The following ROBO2 variants were observed in gnomAD, a reference collection of about 807,000 sequenced individuals.
The protein encoded by ROBO2 is roundabout homolog 2.
A neutral mutation model predicts 160.8 loss-of-function variants in ROBO2; 53 were observed. That is an observed-to-expected ratio of 0.33 (90% confidence interval 0.26 to 0.41). The LOEUF (loss-of-function observed/expected upper bound fraction) is 0.41, where lower values mean the gene tolerates loss of function less well. ROBO2 is among the 10% of genes least tolerant of loss of function. The probability of loss-of-function intolerance (pLI) is 1.00; values close to 1 mark genes in which losing one functional copy is unlikely to be tolerated. For missense variants in ROBO2, 1,577 were observed against 1,722.4 expected (o/e 0.92, Z 1.49); for synonymous variants, 664 against 611.7 (o/e 1.09, Z -1.26).
intron 2 of ROBO2, among the ~76,000 whole-genome samples, chr3:76,428,643 A>G (rs934699754): frequency 2.0e-5 from 3 of 152,180 alleles, no homozygotes; most frequent in Non-Finnish European, 4.4e-5. Context: ...TTTTTTCTGT[A>G]AAACAAATAC....
At chr3:77,361,702 T>G (rs1433714546) in intron 2 of ROBO2, among the ~76,000 whole-genome samples, 1 of 152,150 alleles carries the variant, frequency 6.6e-6, no homozygotes, top group African/African-American at 2.4e-5. Context: ...GGAGCTCTTA[T>G]GACGTAAACA....
chr3:76,684,061 G>A (rs943478145), intron 2 of ROBO2, among the ~76,000 whole-genome samples: 1 of 151,924 alleles, frequency 6.6e-6, no homozygotes, highest in Non-Finnish European at 1.5e-5. Flanking sequence ...GATTGAAAAC[G>A]AATGTATATT....
chr3:77,538,981 A>C, intron 6 of ROBO2: 2 of 409,912 alleles, frequency 4.9e-6, no homozygotes, highest in Non-Finnish European at 9.8e-6. Flanking sequence ...GTGGCACAAC[A>C]ATCTCGGCTC....
At chr3:77,273,129 A>G (rs895387061) in intron 2 of ROBO2, among the ~76,000 whole-genome samples, 2 of 152,018 alleles carry the variant, frequency 1.3e-5, no homozygotes, top group African/African-American at 4.8e-5. Context: ...CCCGTCTAGT[A>G]GCCCCCACTG....
chr3:77,545,171 T>G (rs143058886), intron 6 of ROBO2, among the ~76,000 whole-genome samples: 75 of 152,182 alleles, frequency 4.9e-4, no homozygotes, highest in African/African-American at 1.7e-3. Flanking sequence ...AAATTACTTT[T>G]GCATCTGTCA....
chr3:76,749,065 A>G (rs2093937819), intron 2 of ROBO2, among the ~76,000 whole-genome samples: 2 of 151,848 alleles, frequency 1.3e-5, no homozygotes, highest in Admixed American at 6.6e-5. Flanking sequence ...TGTATTGTTA[A>G]ATGAAAAGAC....
At chr3:76,191,280 C>G (rs1487912679) in intron 2 of ROBO2, among the ~76,000 whole-genome samples, 1 of 152,118 alleles carries the variant, frequency 6.6e-6, no homozygotes, top group Non-Finnish European at 1.5e-5. Flanking sequence ...GGCCTCATCT[C>G]TTCATACGTG....
At chr3:76,421,092 ATTG>A (rs1326982589) in intron 2 of ROBO2, among the ~76,000 whole-genome samples, 1 of 152,218 alleles carries the variant, frequency 6.6e-6, no homozygotes, top group African/African-American at 2.4e-5. Context: ...CATCTGTTAA[ATTG>A]TTGAACCTCT....
chr3:76,350,259 G>C (rs978977282), intron 2 of ROBO2, among the ~76,000 whole-genome samples: 4 of 152,046 alleles, frequency 2.6e-5, no homozygotes, highest in Non-Finnish European at 5.9e-5. Context: ...TGCAATAGGA[G>C]ATAATTGCTT....
At chr3:77,209,265 C>A (rs993779073) in intron 2 of ROBO2, among the ~76,000 whole-genome samples, 3 of 152,066 alleles carry the variant, frequency 2.0e-5, no homozygotes, top group Non-Finnish European at 2.9e-5. Context: ...AATAACTATT[C>A]ATTTGCCTTA....
intron 2 of ROBO2, among the ~76,000 whole-genome samples, chr3:76,871,076 G>A (rs1478804999): frequency 3.3e-5 from 5 of 152,120 alleles, no homozygotes; most frequent in African/African-American, 4.8e-5. Context: ...TATACATAAC[G>A]TAGTGACTAT....
chr3:76,975,823 T>C (rs1358995727), intron 2 of ROBO2, among the ~76,000 whole-genome samples: 3 of 152,140 alleles, frequency 2.0e-5, no homozygotes, highest in Non-Finnish European at 1.5e-5. Flanking sequence ...AAAAAAACTT[T>C]CCAAACTTTG....
chr3:76,164,886 C>G (rs2072767384), intron 2 of ROBO2, among the ~76,000 whole-genome samples: 2 of 152,288 alleles, frequency 1.3e-5, no homozygotes, highest in East Asian at 3.9e-4. Flanking sequence ...ACACTGGAAC[C>G]ATGCCACAGA....
chr3:77,609,898 C>T (rs979589585), intron 21 of ROBO2, among the ~76,000 whole-genome samples: 13 of 149,898 alleles, frequency 8.7e-5, no homozygotes, highest in African/African-American at 3.2e-4. Context: ...AGTTATCATT[C>T]TTACTAAAAA....
chr3:75,952,326 T>G (rs1948571614), intron 2 of ROBO2, among the ~76,000 whole-genome samples: 1 of 151,984 alleles, frequency 6.6e-6, no homozygotes, highest in South Asian at 2.1e-4. Flanking sequence ...TTCTCTAGAT[T>G]TCTGATTTTA....
At chr3:77,529,537 T>C (rs2091466155) in intron 6 of ROBO2, among the ~76,000 whole-genome samples, 1 of 151,826 alleles carries the variant, frequency 6.6e-6, no homozygotes, top group African/African-American at 2.4e-5. Context: ...ATTTATGTTA[T>C]AGAATAGTAT....
At chr3:76,530,420 C>T (rs1454560631) in intron 2 of ROBO2, among the ~76,000 whole-genome samples, 1 of 152,096 alleles carries the variant, frequency 6.6e-6, no homozygotes, top group East Asian at 1.9e-4. Flanking sequence ...CAGTAGTGTT[C>T]CTCCGAATTG....
intron 2 of ROBO2, among the ~76,000 whole-genome samples, chr3:76,949,439 T>C (rs774897534): frequency 6.6e-6 from 1 of 152,182 alleles, no homozygotes; most frequent in Non-Finnish European, 1.5e-5. Context: ...CTAAACTCCA[T>C]AGAGGATGTG....
At chr3:75,952,608 T>C (rs779529694) in intron 2 of ROBO2, among the ~76,000 whole-genome samples, 68 of 151,972 alleles carry the variant, frequency 4.5e-4, no homozygotes, top group African/African-American at 1.6e-3. Flanking sequence ...ACATTTGTTA[T>C]AGTTGATGAG....
Sources: gnomAD v4.1 joint callset for allele counts (sites outside exome capture counted in the v4.1 genomes callset) on GRCh38, gnomAD v4.1.1 for gene constraint, MANE v1.5 for transcripts, NCBI Gene and HGNC (gene_info 2026-07-23, HGNC 2026-07-21) for gene names.